DAB1: variants seen among roughly 807,000 people sequenced by gnomAD.
DAB1 encodes DAB adaptor protein 1, also known as disabled homolog 1.
Under a neutral mutation model 64.6 loss-of-function variants are expected in DAB1, and 15 were observed. That is an observed-to-expected ratio of 0.23 (90% CI 0.16 to 0.36). The LOEUF (loss-of-function observed/expected upper bound fraction) is 0.36. Ranked by LOEUF, DAB1 falls within the 10% of genes least tolerant of loss-of-function variation. The pLI is 1.00. For synonymous variants in DAB1, 235 were observed against 251.9 expected, an observed-to-expected ratio of 0.93 and a Z score of 0.64; for missense variants, 596 against 706.7, an observed-to-expected ratio of 0.84 and a Z score of 1.78.
chr1:57,038,074 G>A (rs1328130652), intron 9 of DAB1, among the ~76,000 whole-genome samples: 6 of 152,076 alleles, frequency 3.9e-5, no homozygotes, highest in Non-Finnish European at 7.4e-5. Flanking sequence ...TGGACAGCAC[G>A]ACTCTAGATA....
chr1:58,137,842 C>T (rs1374604134), intron 5 of DAB1, among the ~76,000 whole-genome samples: 3 of 152,124 alleles, frequency 2.0e-5, no homozygotes, highest in South Asian at 2.1e-4. Flanking sequence ...GTGAGAGGAA[C>T]GTTCCCCAGG....
At chr1:57,448,872 A>G (rs1686245938) in intron 7 of DAB1, among the ~76,000 whole-genome samples, 1 of 152,138 alleles carries the variant, frequency 6.6e-6, no homozygotes, top group Non-Finnish European at 1.5e-5. Flanking sequence ...TCAGTCCTAA[A>G]TTACTTAACT....
At chr1:58,412,136 C>G (rs1470603012) in intron 3 of DAB1, among the ~76,000 whole-genome samples, 1 of 152,122 alleles carries the variant, frequency 6.6e-6, no homozygotes, top group East Asian at 1.9e-4. Flanking sequence ...AACTAGCATT[C>G]CTTTGGTGTT....
At chr1:58,475,501 C>T (rs1645410394) in intron 3 of DAB1, among the ~76,000 whole-genome samples, 1 of 151,948 alleles carries the variant, frequency 6.6e-6, no homozygotes, top group Non-Finnish European at 1.5e-5. Flanking sequence ...CACACACACA[C>T]ACACGAATCA....
At chr1:57,301,473 C>G (rs1048004344) in intron 1 of DAB1, among the ~76,000 whole-genome samples, 1 of 152,182 alleles carries the variant, frequency 6.6e-6, no homozygotes, top group East Asian at 1.9e-4. Flanking sequence ...CTGTACTCAT[C>G]CCCGTTTCCT....
At position 57,204,344 on chromosome 1, in the gene DAB1, C is replaced by A. The variant is rs180943483; in HGVS notation, c.68-58915G>T. Among the ~76,000 whole-genome samples the A allele has an allele frequency of 2.6e-5, 4 of 151,534 alleles. No homozygotes were observed. In the East Asian group the frequency reaches 7.8e-4, roughly 29 times the overall value. On this transcript the variant is annotated intron_variant, in intron 2 of 14. Coordinates refer to ENST00000371236, the MANE Select transcript of DAB1 (RefSeq NM_001365792.1). The stretch of plus-strand genomic sequence containing the variant: ...GAAATGGGAGTGGGGGTCATGGTAA[C>A]CAGTTACTCAGGCTCTTCCCTGATC...
At chr1:57,268,899 A>G (rs1292727578) in intron 2 of DAB1, among the ~76,000 whole-genome samples, 1 of 152,166 alleles carries the variant, frequency 6.6e-6, no homozygotes, top group African/African-American at 2.4e-5. Flanking sequence ...AAAGTCAGGG[A>G]AAGAGGAAGT....
intron 4 of DAB1, among the ~76,000 whole-genome samples, chr1:58,206,239 G>C (rs1242414341): frequency 6.6e-6 from 1 of 152,116 alleles, no homozygotes; most frequent in African/African-American, 2.4e-5. Context: ...ACTCTAACTG[G>C]GAAGGAAGCT....
At chr1:57,215,408 C>T (rs1228935452) in intron 2 of DAB1, among the ~76,000 whole-genome samples, 1 of 152,196 alleles carries the variant, frequency 6.6e-6, no homozygotes, top group Non-Finnish European at 1.5e-5. Context: ...AAGTGCCACT[C>T]AAGAATGCCA....
At chr1:58,042,776 G>T (rs1327490658) in intron 5 of DAB1, among the ~76,000 whole-genome samples, 1 of 152,162 alleles carries the variant, frequency 6.6e-6, no homozygotes, top group Non-Finnish European at 1.5e-5. Context: ...GACTTAGGAA[G>T]GAGCAAAGAT....
At chr1:57,707,844 C>G (rs1343054503) in intron 6 of DAB1, among the ~76,000 whole-genome samples, 1 of 152,158 alleles carries the variant, frequency 6.6e-6, no homozygotes, top group Non-Finnish European at 1.5e-5. Context: ...GCTCTCTGAG[C>G]CCAGGATCTA....
chr1:57,840,496 G>T (rs897728968), intron 1 of DAB1, among the ~76,000 whole-genome samples: 1 of 152,010 alleles, frequency 6.6e-6, no homozygotes, highest in South Asian at 2.1e-4. Context: ...TCTAACCAGG[G>T]TATTAGTCAA....
chr1:57,540,104 G>A (rs1467466943), intron 7 of DAB1, among the ~76,000 whole-genome samples: 2 of 152,110 alleles, frequency 1.3e-5, no homozygotes, highest in Non-Finnish European at 2.9e-5. Context: ...TCTGGCCCAC[G>A]ATTTTTTAAA....
intron 4 of DAB1, among the ~76,000 whole-genome samples, chr1:58,300,438 T>A (rs901886656): frequency 8.6e-5 from 13 of 150,660 alleles, no homozygotes; most frequent in African/African-American, 3.2e-4. Flanking sequence ...TCCCAGCTAC[T>A]CAGGAAGCTG....
intron 5 of DAB1, among the ~76,000 whole-genome samples, chr1:57,943,882 G>A (rs1025415943): frequency 6.6e-6 from 1 of 152,146 alleles, no homozygotes; most frequent in African/African-American, 2.4e-5. Context: ...AAGGGCCAGT[G>A]AGAGTTCTGC....
intron 6 of DAB1, among the ~76,000 whole-genome samples, chr1:57,810,852 T>C (rs1411264909): frequency 6.6e-6 from 1 of 152,230 alleles, no homozygotes; most frequent in Non-Finnish European, 1.5e-5. Context: ...AGAAAGTTAC[T>C]CTTTTACAGT....
intron 2 of DAB1, among the ~76,000 whole-genome samples, chr1:57,145,691 G>A (rs1176917956): frequency 3.3e-5 from 5 of 152,144 alleles, no homozygotes; most frequent in Admixed American, 6.5e-5. Flanking sequence ...CACCCCAACA[G>A]GGTATTATGA....
intron 5 of DAB1, among the ~76,000 whole-genome samples, chr1:57,995,751 T>C (rs1046924502): frequency 2.6e-5 from 4 of 152,046 alleles, no homozygotes; most frequent in East Asian, 3.9e-4. Context: ...CTTGAAAACT[T>C]TGAAAGTTTA....
At chr1:57,106,263 C>CCG (rs1350446097) in intron 4 of DAB1, among the ~76,000 whole-genome samples, 1 of 151,372 alleles carries the variant, frequency 6.6e-6, no homozygotes. Context: ...TAACACCCCC[C>CCG]CCCATCAGTA....
Sources: gnomAD v4.1 joint callset for allele counts (sites outside exome capture counted in the v4.1 genomes callset) on GRCh38, gnomAD v4.1.1 for gene constraint, MANE v1.5 for transcripts, NCBI Gene and HGNC (gene_info 2026-07-23, HGNC 2026-07-21) for gene names.